The following RRAGB variants were observed in gnomAD, a reference collection of about 807,000 sequenced individuals.
RRAGB encodes Ras related GTP binding B, also known as ras-related GTP-binding protein B.
A neutral mutation model predicts 29.3 loss-of-function variants in RRAGB; 6 were observed. The observed-to-expected ratio is 0.21, with a 90% CI of 0.11 to 0.40. The LOEUF is 0.40. RRAGB is among the 10% of genes least tolerant of loss of function. The pLI, the probability that RRAGB is intolerant of heterozygous loss-of-function variation, is 1.00. For synonymous variants in RRAGB, 101 were observed against 92.5 expected, an observed-to-expected ratio of 1.09 and a Z score of -0.53; for missense variants, 184 against 272.9, an observed-to-expected ratio of 0.67 and a Z score of 2.29.
At chrX:55,743,389 C>T (rs2034143781) in intron 5 of RRAGB, among the ~76,000 whole-genome samples, 1 of 112,287 alleles carries the variant, frequency 8.9e-6, no homozygotes, top group Non-Finnish European at 1.9e-5. Context: ...GGGGATAGTG[C>T]CATATCAGGG....
At chrX:55,751,434 G>C (rs2034524823) in intron 6 of RRAGB, 1 of 300,589 alleles carries the variant, frequency 3.3e-6, no homozygotes, top group Non-Finnish European at 5.8e-6. Context: ...AGCCAGTTTG[G>C]TCATGATTAA....
At chrX:55,729,834 A>C (rs757781376) in intron 4 of RRAGB, among the ~76,000 whole-genome samples, 1 of 112,419 alleles carries the variant, frequency 8.9e-6, no homozygotes, top group Admixed American at 9.4e-5. Context: ...TATGAGCAAA[A>C]TATTCACCAC....
Position 55,731,575 on chromosome X carries a change from C to G in RRAGB, c.505C>G (p.Gln169Glu). 8.4e-7 allele frequency: 1 copy of G among 1,183,977 alleles called. No individual in the cohort carries two copies. The highest frequency in any genetic ancestry group is 1.1e-6 in the Non-Finnish European group (1 of 874,924). ...CAAAATGGATCTGGTACAGGAGGAT[C>G]AACGGGACCTGGTAAGAAACAGAAG... ...VHKMDLVQED[Q>E]RDLIFKEREE... is the part of the protein sequence containing the mutation. The change falls in exon 5 of 10, where the codon CAA becomes GAA. Residue 169 changes from glutamine (Q) to glutamate (E), a missense_variant. Transcript: ENST00000374941.
chrX:55,733,937 T>A (rs1160757524), intron 5 of RRAGB, among the ~76,000 whole-genome samples: 1 of 110,622 alleles, frequency 9.0e-6, no homozygotes, highest in East Asian at 2.8e-4. Context: ...TGGGGTTTTT[T>A]TTTTTGGTTG....
At chrX:55,750,976 A>G (rs2034506857) in intron 5 of RRAGB, 125 bp from the exon 6 acceptor site, 6 of 453,838 alleles carry the variant, frequency 1.3e-5, no homozygotes, top group Admixed American at 8.8e-5. Context: ...TGAAATAGAC[A>G]TACTTAAAAT....
intron 5 of RRAGB, among the ~76,000 whole-genome samples, chrX:55,734,777 T>C (rs1414390379): frequency 1.8e-5 from 2 of 112,299 alleles, no homozygotes; most frequent in African/African-American, 6.5e-5. Flanking sequence ...CAATAAACTT[T>C]GATCTTAGCA....
intron 5 of RRAGB, among the ~76,000 whole-genome samples, chrX:55,747,128 C>T (rs941698577): frequency 6.3e-5 from 7 of 111,803 alleles, no homozygotes; most frequent in African/African-American, 2.3e-4. Flanking sequence ...TGGCAGATAC[C>T]TCAGAGGAGA....
At chrX:55,740,672 C>T (rs764586016) in intron 5 of RRAGB, among the ~76,000 whole-genome samples, 8 of 111,573 alleles carry the variant, frequency 7.2e-5, no homozygotes, top group Admixed American at 9.5e-5. Flanking sequence ...GTGCAATGTG[C>T]GGTCGGGTGT....
In RRAGB at chrX:55,718,423, G is replaced by A. The variant is rs1438375823; in HGVS notation, c.92+4G>A. 17 of 1,157,295 alleles carry A rather than the reference G, an allele frequency of 1.5e-5. No individual in the cohort carries two copies. Among genetic ancestry groups the A allele is most frequent in the Non-Finnish European group, 2.0e-5 (17 of 855,626 alleles). On this transcript the variant is annotated splice_donor_region_variant and intron_variant, in intron 1 of 9. Coordinates refer to ENST00000374941, the MANE Select transcript of RRAGB (RefSeq NM_006064.5). Reference sequence around the variant, plus strand: ...GGGAACCGGAAGGATCGCTTGGGTGGGTGAAGGGTATTTGTGAAACCTGGA... The same window carrying A: ...GGGAACCGGAAGGATCGCTTGGGTGAGTGAAGGGTATTTGTGAAACCTGGA...
chrX:55,723,577 A>T (rs2033369885), intron 3 of RRAGB, among the ~76,000 whole-genome samples: 1 of 107,152 alleles, frequency 9.3e-6, no homozygotes, highest in Admixed American at 1.0e-4. Flanking sequence ...TTCTTTTTGG[A>T]GACGGAGTCT....
At chrX:55,746,085 T>C (rs1222178832) in intron 5 of RRAGB, among the ~76,000 whole-genome samples, 3 of 111,263 alleles carry the variant, frequency 2.7e-5, no homozygotes, top group Non-Finnish European at 5.7e-5. Flanking sequence ...AGATTAACAG[T>C]ATAAATACTT....
At chrX:55,755,345 A>G (rs1238000687) in intron 7 of RRAGB, 1 of 750,396 alleles carries the variant, frequency 1.3e-6, no homozygotes, top group East Asian at 1.5e-4. Flanking sequence ...CATCCTGAAT[A>G]AGTTCATTTG....
intron 2 of RRAGB, 101 bp downstream of exon 2, chrX:55,719,448 A>G (rs2033181321): frequency 1.8e-6 from 1 of 555,224 alleles, no homozygotes; most frequent in South Asian, 4.5e-5. Flanking sequence ...GGACTATTGC[A>G]GGAGCCTTCT....
chrX:55,732,959 A>G (rs1425583517), intron 5 of RRAGB, among the ~76,000 whole-genome samples: 1 of 110,993 alleles, frequency 9.0e-6, no homozygotes. Flanking sequence ...GTTTTTTTTT[A>G]GTATTTTAAT....
chrX:55,755,976 T>TGACAA, intron 8 of RRAGB, 44 bp downstream of exon 8: 1 of 924,907 alleles, frequency 1.1e-6, no homozygotes, highest in Non-Finnish European at 1.5e-6. Flanking sequence ...CTTGAAAAAA[T>TGACAA]TATTGTCATT....
intron 4 of RRAGB, among the ~76,000 whole-genome samples, chrX:55,730,124 A>G (rs1215520132): frequency 1.8e-5 from 2 of 112,559 alleles, no homozygotes; most frequent in East Asian, 5.5e-4. Flanking sequence ...TGCATAGCAG[A>G]GTGCCTCACA....
chrX:55,755,710 A>T, intron 7 of RRAGB, 131 bp from the exon 8 acceptor site: 3 of 1,080,981 alleles, frequency 2.8e-6, no homozygotes, highest in Middle Eastern at 2.7e-4. Flanking sequence ...AGGAAAAGAG[A>T]CAATAAGCCA....
intron 5 of RRAGB, among the ~76,000 whole-genome samples, chrX:55,737,689 G>T: frequency 8.9e-6 from 1 of 112,681 alleles, no homozygotes; most frequent in East Asian, 2.8e-4. Context: ...CATAGGTGTG[G>T]CAGTCCCTCA....
intron 3 of RRAGB, among the ~76,000 whole-genome samples, chrX:55,724,105 T>G (rs2033392109): frequency 8.9e-6 from 1 of 112,031 alleles, no homozygotes; most frequent in South Asian, 3.7e-4. Flanking sequence ...TGGAGTAACT[T>G]TCGTTATGAG....
Sources: allele counts gnomAD v4.1 joint callset (sites outside exome capture counted in the v4.1 genomes callset), GRCh38; gene constraint gnomAD v4.1.1; transcripts MANE v1.5; gene names NCBI Gene and HGNC (gene_info 2026-07-23, HGNC 2026-07-21).